NPC1: variants seen among roughly 807,000 people sequenced by gnomAD.
NPC1 encodes NPC intracellular cholesterol transporter 1, also known as Niemann-Pick C1 protein.
In NPC1, 85 loss-of-function variants were observed where a neutral mutation model predicts 140.4. That is an observed-to-expected ratio of 0.61 (90% CI 0.51 to 0.72). The LOEUF is 0.72. NPC1 is among the 30% of genes least tolerant of loss of function. The probability of loss-of-function intolerance (pLI) is 0.00; values close to 1 mark genes in which losing one functional copy is unlikely to be tolerated. For synonymous variants in NPC1, 656 were observed against 624.8 expected (o/e 1.05, Z -0.74); for missense variants, 1,504 against 1,623.8 (o/e 0.93, Z 1.27).
chr18:23,576,829 G>A (rs935150860), intron 1 of NPC1: 6 of 169,492 alleles, frequency 3.5e-5, no homozygotes, highest in African/African-American at 7.2e-5. Flanking sequence ...AGATCTTCGC[G>A]GTGAGTGTTA....
intron 19 of NPC1, chr18:23,539,038 C>T (rs943449378): frequency 4.4e-6 from 2 of 452,574 alleles, no homozygotes; most frequent in Middle Eastern, 6.4e-4. Flanking sequence ...AAAGAAAAGC[C>T]CTCCTCTGAG....
chr18:23,512,165 C>T (rs550100537), intron 3 of NPC1, among the ~76,000 whole-genome samples: 31 of 151,722 alleles, frequency 2.0e-4, no homozygotes, highest in Admixed American at 1.3e-3. Context: ...GGTCTACAGG[C>T]GCCCAGCACC....
chr18:23,556,625 G>C lies in NPC1; in HGVS notation c.956-12C>G, dbSNP rs574995163. ...GCAGGACGCCTCTCCTGGAAGAACG[G>C]GAGAGGAAGGGAAGGTGGAGGTTAA... is the stretch of plus-strand genomic sequence containing the variant. On this transcript the variant is annotated splice_polypyrimidine_tract_variant and intron_variant, in intron 7 of 24. Transcript: ENST00000269228. 2 of 1,613,658 alleles carry C rather than the reference G, an allele frequency of 1.2e-6. No individual in the cohort carries two copies. The highest frequency in any genetic ancestry group is 1.3e-5 in the African/African-American group (1 of 74,906).
At chr18:23,520,265 C>A, downstream of NPC1, 1 of 1,614,108 alleles carries the variant, frequency 6.2e-7, no homozygotes, top group South Asian at 1.1e-5. Context: ...CTTCCACCAC[C>A]CCGTGCTTCC....
chr18:23,580,305 C>G (rs1032930059), intron 1 of NPC1, among the ~76,000 whole-genome samples: 1 of 152,158 alleles, frequency 6.6e-6, no homozygotes, highest in Non-Finnish European at 1.5e-5. Context: ...TCCCCTACCC[C>G]CAGCTTCTGT....
intron 3 of NPC1, chr18:23,515,880 A>G: frequency 1.9e-6 from 3 of 1,614,166 alleles, no homozygotes; most frequent in Non-Finnish European, 2.5e-6. Context: ...ACGGAGTCTG[A>G]AACTCTTGAA....
intron 1 of NPC1, among the ~76,000 whole-genome samples, chr18:23,584,730 G>T (rs2059395541): frequency 6.6e-6 from 1 of 152,154 alleles, no homozygotes; most frequent in Admixed American, 6.5e-5. Context: ...GTGGTGGTGG[G>T]CACCTGTAAT....
At chr18:23,536,047 AG>A (rs2058625728) in intron 21 of NPC1, among the ~76,000 whole-genome samples, 1 of 152,222 alleles carries the variant, frequency 6.6e-6, no homozygotes, top group African/African-American at 2.4e-5. Context: ...ACACTACCTC[AG>A]GCTCAGCGGG....
At chr18:23,510,481 C>A (rs532705690) in intron 3 of NPC1, among the ~76,000 whole-genome samples, 10 of 151,990 alleles carry the variant, frequency 6.6e-5, no homozygotes, top group Non-Finnish European at 1.3e-4. Flanking sequence ...AACCCTGTCT[C>A]TATTAAAAAT....
intron 6 of NPC1, among the ~76,000 whole-genome samples, chr18:23,559,276 T>C (rs2059001223): frequency 1.3e-5 from 2 of 152,186 alleles, no homozygotes; most frequent in Non-Finnish European, 2.9e-5. Flanking sequence ...TTTCTAGTTC[T>C]AGATGTACTA....
At chr18:23,513,067 T>C (rs940771102) in intron 3 of NPC1, among the ~76,000 whole-genome samples, 1 of 152,072 alleles carries the variant, frequency 6.6e-6, no homozygotes, top group South Asian at 2.1e-4. Flanking sequence ...GATTCTCCTG[T>C]CTCAGCTTCC....
chr18:23,541,754 T>C (rs1365058009), intron 14 of NPC1, among the ~76,000 whole-genome samples: 1 of 152,216 alleles, frequency 6.6e-6, no homozygotes, highest in East Asian at 1.9e-4. Context: ...CCATTTCTTA[T>C]AGTACTTTCT....
chr18:23,548,071 G>A lies in NPC1; in HGVS notation c.1692C>T (p.Thr564=). Residue 564 remains threonine (T), a synonymous_variant, in exon 11 of 25, where the codon ACC becomes ACT. Coordinates refer to ENST00000269228, the MANE Select transcript of NPC1 (RefSeq NM_000271.5). ...CATTATAGTAATTATTGACAGGGAA[G>A]GTAATCACAAGGGCAGTGGCGTTAT... ...NYNNATALVI[T]FPVNNYYNDT... The A allele has an allele frequency of 6.2e-7, 1 of 1,612,442 alleles. No homozygotes were observed. Among genetic ancestry groups the A allele is most frequent in the Non-Finnish European group, 8.5e-7 (1 of 1,178,542 alleles).
At chr18:23,538,508 G>A (rs758993397) in intron 20 of NPC1, 34 bp downstream of exon 20, 2 of 1,613,886 alleles carry the variant, frequency 1.2e-6, no homozygotes, top group South Asian at 2.2e-5. Flanking sequence ...TAAAGTTGCA[G>A]TGGATGCTTA....
intron 2 of NPC1, among the ~76,000 whole-genome samples, chr18:23,572,674 T>G: frequency 1.0e-5 from 1 of 97,332 alleles, no homozygotes; most frequent in African/African-American, 4.6e-5. Context: ...TCTCCCCAAA[T>G]TTTTAAAAAA....
intron 3 of NPC1, among the ~76,000 whole-genome samples, chr18:23,513,009 A>G (rs958409672): frequency 1.3e-5 from 2 of 152,024 alleles, no homozygotes; most frequent in African/African-American, 2.4e-5. Flanking sequence ...GCTGGAGTGC[A>G]GTGGCGTGAT....
At chr18:23,530,050 T>C (rs1443736375), downstream of NPC1, 3 of 1,614,186 alleles carry the variant, frequency 1.9e-6, no homozygotes, top group Middle Eastern at 1.6e-4. Flanking sequence ...GAACTTGTTA[T>C]CAAAACCCTT....
rs1326294434 is a variant in NPC1, at chr18:23,545,160, A to G, written c.1758-11T>C. ...ACAAAATTAATAAACCTAAAAGGTA[A>G]GCAAAATGTTATATTTTTAGTTAAA... On this transcript the variant is annotated splice_polypyrimidine_tract_variant and intron_variant, in intron 11 of 24. Coordinates refer to ENST00000269228, the MANE Select transcript of NPC1 (RefSeq NM_000271.5). 6.3e-7 allele frequency: 1 copy of G among 1,587,226 alleles called. No individual in the cohort carries two copies. Among genetic ancestry groups the G allele is most frequent in the African/African-American group, 1.3e-5 (1 of 74,506 alleles).
intron 17 of NPC1, among the ~76,000 whole-genome samples, chr18:23,540,234 C>T (rs1281135642): frequency 1.3e-5 from 2 of 152,166 alleles, no homozygotes; most frequent in Admixed American, 1.3e-4. Context: ...ACTAGTTATT[C>T]GTGTTCTGCA....
Sources: allele counts gnomAD v4.1 joint callset (sites outside exome capture counted in the v4.1 genomes callset), GRCh38; gene constraint gnomAD v4.1.1; transcripts MANE v1.5; gene names NCBI Gene and HGNC (gene_info 2026-07-23, HGNC 2026-07-21).